The following UMOD variants were observed in gnomAD, a reference collection of about 807,000 sequenced individuals.
UMOD encodes the protein uromodulin.
In UMOD, 64 loss-of-function variants were observed where a neutral mutation model predicts 66.0. That is an observed-to-expected ratio of 0.97 (90% confidence interval 0.79 to 1.19). UMOD has a LOEUF of 1.19. Ranked by LOEUF, UMOD falls within the 50% of genes most tolerant of loss-of-function variation. The pLI is 0.00. For missense variants in UMOD, 764 were observed against 850.9 expected (o/e 0.90, Z 1.27); for synonymous variants, 398 against 352.7 (o/e 1.13, Z -1.44).
chr16:20,352,633 C>T (rs1291480110), intron 1 of UMOD, 56 bp downstream of exon 1: 2 of 1,220,492 alleles, frequency 1.6e-6, no homozygotes, highest in African/African-American at 3.1e-5. Context: ...TCCTACCTCC[C>T]TCAAATAGGA....
intron 5 of UMOD, among the ~76,000 whole-genome samples, chr16:20,345,049 T>C (rs1965466477): frequency 6.6e-6 from 1 of 152,250 alleles, no homozygotes; most frequent in Non-Finnish European, 1.5e-5. Flanking sequence ...AGTCTCACTC[T>C]GTCACCCAGG....
chr16:20,348,073 G>C lies in UMOD; in HGVS notation c.973+150C>G, dbSNP rs943777389. The C allele has an allele frequency of 9.2e-6, 7 of 757,660 alleles. No homozygotes were observed. The African/African-American group carries it at 1.2e-4, about 13-fold the overall frequency. 46.9% of individuals were successfully genotyped at this position (757,660 alleles called of 1,614,324 possible). A position where few individuals can be genotyped will look rare whatever the true frequency, so the allele number is the denominator to read the frequency against. The stretch of plus-strand genomic sequence containing the variant: ...AGAGAGCCTCTTGCCGGCTTTAATG[G>C]GTATTAGTGGATCTTCTGTTTTCAC... On this transcript the variant is annotated intron_variant, in intron 4 of 10. Coordinates refer to ENST00000396138, the MANE Select transcript of UMOD (RefSeq NM_003361.4).
chr16:20,336,665 C>T lies in UMOD; in HGVS notation c.1803G>A (p.Leu601=). Residue 601 remains leucine, a synonymous_variant, in exon 9 of 11, where the codon TTG becomes TTA. Coordinates refer to ENST00000396138, the MANE Select transcript of UMOD (RefSeq NM_003361.4). ...SVIDQSRVLN[L]GPITRKGVQA... ...TCTTACCTTTCCGTGTGATGGGACC[C>T]AAGTTCAGGACACGGGATTGATCTA... 2 of 1,614,106 alleles carry T rather than the reference C, an allele frequency of 1.2e-6. No homozygotes were observed. Among genetic ancestry groups the T allele is most frequent in the Non-Finnish European group, 1.7e-6 (2 of 1,179,970 alleles).
At position 20,349,126 on chromosome 16, in the gene UMOD, C is replaced by T; in HGVS notation, c.175G>A (p.Asp59Asn). The stretch of plus-strand genomic sequence containing the variant: ...TCCAGGTCCACGCAGGTCAGGCCAT[C>T]GCCGGTGAAGCCCTCCTGACAGGTG... ...TCTCQEGFTG[D>N]GLTCVDLDEC... The change falls in exon 3 of 11, where the codon GAT (aspartate) becomes AAT (asparagine). Residue 59 changes from aspartate (D) to asparagine (N), a missense_variant. Physicochemically the swap from Asp to Asn is conservative, Grantham distance 23 (BLOSUM62 1). Transcript: ENST00000396138. 6.2e-7 allele frequency: 1 copy of T among 1,614,048 alleles called. No homozygotes were observed. The highest frequency in any genetic ancestry group is 1.1e-5 in the South Asian group (1 of 91,068).
chr16:20,335,333 C>G (rs1227846373), intron 10 of UMOD, 149 bp downstream of exon 10: 5 of 746,258 alleles, frequency 6.7e-6, no homozygotes, highest in Non-Finnish European at 1.2e-5. Context: ...TAGGACCACT[C>G]AGGTTCTCTG....
intron 10 of UMOD, among the ~76,000 whole-genome samples, chr16:20,334,909 G>C (rs1488237133): frequency 1.3e-5 from 2 of 149,464 alleles, no homozygotes; most frequent in Non-Finnish European, 3.0e-5. Context: ...TTGGCTCACT[G>C]CAACCTCTGC....
intron 6 of UMOD, among the ~76,000 whole-genome samples, chr16:20,341,727 G>A (rs9928936): frequency 0.16 from 24,714 of 152,114 alleles, 2,132 homozygotes; most frequent in Middle Eastern, 0.21. Context: ...TTATTGACAG[G>A]AACACCTGGA....
In UMOD at chr16:20,337,204, A is replaced by T. The variant is rs1287662296; in HGVS notation, c.1740+87T>A. 3 of 1,543,684 alleles carry T rather than the reference A, an allele frequency of 1.9e-6. No individual in the cohort carries two copies. In the African/African-American group the frequency reaches 4.1e-5, roughly 21 times the overall value. Reference sequence around the variant, plus strand: ...ATTCTATCCCTCTGGTAAAAGAGGGAAACAGGGAAGAAATATTGATTTGTT... The same window carrying T: ...ATTCTATCCCTCTGGTAAAAGAGGGTAACAGGGAAGAAATATTGATTTGTT... On this transcript the variant is annotated intron_variant, in intron 8 of 10. Coordinates refer to ENST00000396138, the MANE Select transcript of UMOD (RefSeq NM_003361.4).
chr16:20,345,182 T>G (rs1163776791), intron 5 of UMOD, among the ~76,000 whole-genome samples: 1 of 151,866 alleles, frequency 6.6e-6, no homozygotes, highest in African/African-American at 2.4e-5. Flanking sequence ...TCCAGCAAAT[T>G]TTTGTATTTT....
At chr16:20,344,197 G>A (rs199565760) in intron 5 of UMOD, 25 bp from the exon 6 acceptor site, 18 of 1,476,204 alleles carry the variant, frequency 1.2e-5, no homozygotes, top group East Asian at 7.3e-5. Context: ...GGGGGTGGAG[G>A]GGGGGTGGGG....
intron 4 of UMOD, among the ~76,000 whole-genome samples, chr16:20,347,986 C>T (rs1443211840): frequency 6.6e-6 from 1 of 152,112 alleles, no homozygotes; most frequent in Non-Finnish European, 1.5e-5. Flanking sequence ...AGGCTGGGTG[C>T]GAGGAGGTCC....
chr16:20,340,267 G>A (rs1014426038), intron 7 of UMOD, among the ~76,000 whole-genome samples: 2 of 152,040 alleles, frequency 1.3e-5, no homozygotes, highest in Admixed American at 6.6e-5. Context: ...AGCTACTCAT[G>A]AGGCTAAAGC....
Position 20,346,205 on chromosome 16 carries a change from C to T in UMOD, c.1103G>A (p.Gly368Asp), listed in dbSNP as rs1965576311. 1.2e-6 allele frequency: 2 copies of T among 1,614,248 alleles called. No homozygotes were observed. The highest frequency in any genetic ancestry group is 1.7e-6 in the Non-Finnish European group (2 of 1,180,050). Residue 368 changes from glycine to aspartate, a missense_variant, in exon 5 of 11, where the codon GGC (glycine) becomes GAC (aspartate). Coordinates refer to ENST00000396138, the MANE Select transcript of UMOD (RefSeq NM_003361.4). Reference protein sequence around the residue: ...FMYLSDSRCSGFNDRDNRDWV... With the variant: ...FMYLSDSRCSDFNDRDNRDWV... The stretch of plus-strand genomic sequence containing the variant: ...GTCCCGGTTGTCTCTGTCATTGAAG[C>T]CCGAGCACCGGCTGTCACTCAGGTA...
intron 4 of UMOD, 67 bp from the exon 5 acceptor site, chr16:20,346,401 G>T: frequency 6.5e-7 from 1 of 1,539,530 alleles, no homozygotes; most frequent in Non-Finnish European, 9.0e-7. Context: ...ATCCCCAGGG[G>T]CCAGGTCCAG....
intron 9 of UMOD, 117 bp from the exon 10 acceptor site, chr16:20,335,637 C>G: frequency 1.0e-6 from 1 of 995,956 alleles, no homozygotes; most frequent in Non-Finnish European, 1.6e-6. Context: ...CTCTTCAAAA[C>G]CCAAATCTGA....
chr16:20,341,247 C>G lies in UMOD; in HGVS notation c.1421G>C (p.Gly474Ala), dbSNP rs1199446712. 6.2e-7 allele frequency: 1 copy of G among 1,613,944 alleles called. No homozygotes were observed. Among genetic ancestry groups the G allele is most frequent in the African/African-American group, 1.3e-5 (1 of 74,872 alleles). ...QTPSYTQPYQ[G>A]SSVTLSTEAF... is the part of the protein sequence containing the mutation. ...CTCAGTGGACAGTGTCACGGAGGAG[C>G]CTTGGTAGGGCTGCGTGTAGGAAGG... Residue 474 changes from glycine to alanine, a missense_variant, in exon 7 of 11, where the codon GGC (glycine) becomes GCC (alanine). Coordinates refer to ENST00000396138, the MANE Select transcript of UMOD (RefSeq NM_003361.4).
Position 20,333,070 on chromosome 16 carries a change from T to A in UMOD, c.*244A>T, listed in dbSNP as rs115984552. The A allele has an allele frequency of 7.2e-5, 37 of 512,484 alleles. No individual in the cohort carries two copies. Among genetic ancestry groups the A allele is most frequent in the African/African-American group, 6.8e-4 (35 of 51,558 alleles). The allele number at this position is 512,484 out of a possible 1,614,324, so 31.7% of individuals were successfully genotyped here. A position where few individuals can be genotyped will look rare whatever the true frequency, so the allele number is the denominator to read the frequency against. On this transcript the variant is annotated 3_prime_UTR_variant, in exon 11 of 11. Coordinates refer to ENST00000396138, the MANE Select transcript of UMOD (RefSeq NM_003361.4). Reference sequence around the variant, plus strand: ...AAAGACTGAGATTTAAAAATCATTATTTTGCCACACTCTTTAAGGAGATGG... The same window carrying A: ...AAAGACTGAGATTTAAAAATCATTAATTTGCCACACTCTTTAAGGAGATGG...
At chr16:20,350,599 C>A (rs1451134004) in intron 2 of UMOD, 51 bp downstream of exon 2, 1 of 1,606,100 alleles carries the variant, frequency 6.2e-7, no homozygotes, top group Non-Finnish European at 8.5e-7. Context: ...CACACATTCA[C>A]ACATACACGT....
Position 20,335,469 on chromosome 16 carries a change from G to A in UMOD, c.1861+13C>T, listed in dbSNP as rs759868422. ...CTGGAACAGGTCCCACTGCAGAAAGGACCTGAACTTACCCAAGCTGCTAAA... is the reference window on the plus strand; with the variant it reads ...CTGGAACAGGTCCCACTGCAGAAAGAACCTGAACTTACCCAAGCTGCTAAA... On this transcript the variant is annotated intron_variant, in intron 10 of 10. Transcript: ENST00000396138. 28 of 1,613,834 alleles carry A rather than the reference G, an allele frequency of 1.7e-5. No individual in the cohort carries two copies. The highest frequency in any genetic ancestry group is 1.2e-4 in the African/African-American group (9 of 74,900).
Sources: gnomAD v4.1 joint callset for allele counts (sites outside exome capture counted in the v4.1 genomes callset) on GRCh38, gnomAD v4.1.1 for gene constraint, MANE v1.5 for transcripts, NCBI Gene and HGNC (gene_info 2026-07-23, HGNC 2026-07-21) for gene names.